The following MYO15B variants were observed in gnomAD, a reference collection of about 807,000 sequenced individuals.
The protein encoded by MYO15B is myosin XVB, also known as myosin XVB pseudogene.
MYO15B carries 207 observed loss-of-function variants against 119.3 expected under a neutral mutation model. That is an observed-to-expected ratio of 1.73 (90% CI 1.55 to 1.95). The LOEUF (loss-of-function observed/expected upper bound fraction) is 1.95, where lower values mean the gene tolerates loss of function less well. Ranked by LOEUF, MYO15B falls within the 30% of genes most tolerant of loss-of-function variation. MYO15B has a pLI of 0.00. For synonymous variants in MYO15B, 966 were observed against 498.9 expected (o/e 1.94, Z -12.48); for missense variants, 2,264 against 1,203.1 (o/e 1.88, Z -13.04).
rs1019029663 is a variant in MYO15B at position 75,603,093 on chromosome 17, A to G, written c.3891+16A>G. On this transcript the variant is annotated intron_variant, in intron 18 of 63. Coordinates refer to ENST00000645453, the Ensembl canonical transcript of MYO15B. The stretch of plus-strand genomic sequence containing the variant: ...CCCTGGAAAGGTGAGCTCCCCAGCA[A>G]CTGGCCTCAGGGCCCTCCCCCTCCC... 2 of 703,024 alleles carry G rather than the reference A, an allele frequency of 2.8e-6. No homozygotes were observed. Among genetic ancestry groups the G allele is most frequent in the African/African-American group, 3.5e-5 (2 of 57,216 alleles). The allele number at this position is 703,024 out of a possible 1,614,324, so 43.5% of individuals were successfully genotyped here.
chr17:75,592,774 G>C (rs1479976474), exon 9 of MYO15B: 2 of 702,800 alleles, frequency 2.8e-6, no homozygotes, highest in Non-Finnish European at 5.2e-6. Flanking sequence ...CAGAGGAGTT[G>C]AATGCCGTCT....
At chr17:75,618,097 G>T (rs1167240465) in intron 42 of MYO15B, 29 bp from the exon 43 acceptor site, 3 of 702,826 alleles carry the variant, frequency 4.3e-6, no homozygotes, top group African/African-American at 1.7e-5. Context: ...CAGACCCACC[G>T]ATCTTTGCCC....
At chr17:75,615,007 G>A (rs1320682794) in exon 33 of MYO15B, 3 of 703,038 alleles carry the variant, frequency 4.3e-6, no homozygotes, top group East Asian at 2.7e-5. Context: ...AAGGGAGGGG[G>A]CGCCATTGGG....
At chr17:75,601,924 G>A (rs1026750389) in intron 15 of MYO15B, among the ~76,000 whole-genome samples, 1 of 152,192 alleles carries the variant, frequency 6.6e-6, no homozygotes, top group Non-Finnish European at 1.5e-5. Flanking sequence ...ATGTAGTAAC[G>A]TGGAGATGGC....
chr17:75,606,700 C>T (rs1409328338), intron 21 of MYO15B, among the ~76,000 whole-genome samples: 5 of 150,644 alleles, frequency 3.3e-5, no homozygotes, highest in East Asian at 2.0e-4. Context: ...CTCGAACTCC[C>T]GACCTCAGGT....
At chr17:75,626,844 A>C in exon 64 of MYO15B, 1 of 414,200 alleles carries the variant, frequency 2.4e-6, no homozygotes, top group Non-Finnish European at 4.5e-6. Flanking sequence ...AACTCCCTGG[A>C]GAAAAGGGCT....
At position 75,589,628 on chromosome 17, in the gene MYO15B, C is replaced by T. The variant is rs181767924; in HGVS notation, c.1571C>T (p.Thr524Ile). 2.3e-3 allele frequency: 928 copies of T among 399,022 alleles called. 8 individuals carry two copies. Among genetic ancestry groups the T allele is most frequent in the African/African-American group, 0.016 (798 of 48,758 alleles). 24.7% of individuals were successfully genotyped at this position (399,022 alleles called of 1,614,324 possible). ...GGTGGCCGCTCCCCGCAGGTCCCGACAAGCCCAGTCCCCGGCGACCCTTTT... is the reference window on the plus strand; with the variant it reads ...GGTGGCCGCTCCCCGCAGGTCCCGATAAGCCCAGTCCCCGGCGACCCTTTT... Residue 524 changes from threonine to isoleucine, a missense_variant, in exon 1 of 64, where the codon ACA becomes ATA. Physicochemically the swap from Thr to Ile is moderately conservative, Grantham distance 89. Transcript: ENST00000645453. This position sits in a 1 kb window ranked among gnomAD's most constrained non-coding sequence, Gnocchi z 4.2.
In MYO15B at chr17:75,615,900, T is replaced by C; in HGVS notation, c.6030+16T>C. 1.5e-6 allele frequency: 1 copy of C among 654,608 alleles called. No individual in the cohort carries two copies. The highest frequency in any genetic ancestry group is 2.8e-6 in the Non-Finnish European group (1 of 360,254). The allele number at this position is 654,608 out of a possible 1,614,324, so 40.5% of individuals were successfully genotyped here. On this transcript the variant is annotated intron_variant, in intron 36 of 63. Coordinates refer to ENST00000645453, the Ensembl canonical transcript of MYO15B. Reference sequence around the variant, plus strand: ...CTGCCTGAGGGTGAGGAGGTGACCATATTCTCAGGAAGGGATGTGAGGGTG... The same window carrying C: ...CTGCCTGAGGGTGAGGAGGTGACCACATTCTCAGGAAGGGATGTGAGGGTG...
At chr17:75,592,297 T>C (rs1202508101) in exon 7 of MYO15B, 1 of 702,690 alleles carries the variant, frequency 1.4e-6, no homozygotes, top group Non-Finnish European at 2.6e-6. Context: ...AGGGTGGTGT[T>C]TCAGGTAAAG....
At chr17:75,608,949 G>A (rs562534153) in intron 21 of MYO15B, among the ~76,000 whole-genome samples, 1 of 152,284 alleles carries the variant, frequency 6.6e-6, no homozygotes, top group Non-Finnish European at 1.5e-5. Flanking sequence ...GGCCAGGCTG[G>A]TCTTGAACTC....
chr17:75,622,085 G>A lies in MYO15B; in HGVS notation c.8082+5G>A, dbSNP rs1262647972. 2 of 702,992 alleles carry A rather than the reference G, an allele frequency of 2.8e-6. No homozygotes were observed. Among genetic ancestry groups the A allele is most frequent in the South Asian group, 3.0e-5 (2 of 67,602 alleles). 43.5% of individuals were successfully genotyped at this position (702,992 alleles called of 1,614,324 possible). A position where few individuals can be genotyped will look rare whatever the true frequency, so the allele number is the denominator to read the frequency against. ...CTGCTCTATGAACTGCTGAAGGTAA[G>A]CCTGGGCTGTGCGACCCCCAGCGCC... On this transcript the variant is annotated splice_donor_5th_base_variant and intron_variant, in intron 53 of 63. Coordinates refer to ENST00000645453, the Ensembl canonical transcript of MYO15B.
At chr17:75,588,952 G>T in exon 1 of MYO15B, 1 of 398,220 alleles carries the variant, frequency 2.5e-6, no homozygotes, top group African/African-American at 2.1e-5. Flanking sequence ...GACGGCCCGG[G>T]CTCCGCGCCA....
exon 59 of MYO15B, chr17:75,624,892 C>T: frequency 1.4e-6 from 1 of 702,334 alleles, no homozygotes; most frequent in Non-Finnish European, 2.6e-6. Flanking sequence ...ATAACTCCAC[C>T]TACATCAGCA....
chr17:75,619,580 G>A (rs1432249888), intron 45 of MYO15B, 101 bp from the exon 46 acceptor site: 4 of 685,130 alleles, frequency 5.8e-6, no homozygotes, highest in Non-Finnish European at 1.1e-5. Context: ...GCAGACGCCA[G>A]GGGAAGGACA....
rs753121987 is a variant in MYO15B, at chr17:75,613,156, T to G, written c.4914T>G (p.Ala1638=). Residue 1638 remains alanine (A), a synonymous_variant, in exon 27 of 64, where the codon GCT becomes GCG. Transcript: ENST00000645453. ...GCCAGCGTGGCTGGGCCCTCATGGC[T>G]GTTTTGCTCAGCGCCTTTCCCCCAC... is the stretch of plus-strand genomic sequence containing the variant. The G allele has an allele frequency of 1.0e-5, 7 of 702,212 alleles. No homozygotes were observed. The South Asian group carries it at 1.0e-4, about 10-fold the overall frequency. The allele number at this position is 702,212 out of a possible 1,614,324, so 43.5% of individuals were successfully genotyped here.
exon 55 of MYO15B, chr17:75,623,949 G>A: frequency 2.8e-6 from 2 of 702,996 alleles, no homozygotes; most frequent in Non-Finnish European, 5.2e-6. Flanking sequence ...TGCCCTGCAG[G>A]GAACACTGCA....
chr17:75,612,347 C>A (rs570767769), intron 25 of MYO15B, among the ~76,000 whole-genome samples: 1 of 152,268 alleles, frequency 6.6e-6, no homozygotes, highest in East Asian at 1.9e-4. Flanking sequence ...ATTGTCCAGA[C>A]TTCAGCAGTA....
At chr17:75,615,955 G>C (rs990674252) in intron 36 of MYO15B, 71 bp downstream of exon 36, 5 of 606,414 alleles carry the variant, frequency 8.2e-6, no homozygotes, top group Non-Finnish European at 1.5e-5. Flanking sequence ...ACATGGGCAG[G>C]GTGAGTAGGC....
intron 22 of MYO15B, 139 bp downstream of exon 22, chr17:75,610,398 T>C: frequency 1.8e-6 from 1 of 541,344 alleles, no homozygotes; most frequent in Non-Finnish European, 3.3e-6. Flanking sequence ...CTCCTTGAAC[T>C]CATCCCTTTT....
Sources: allele counts gnomAD v4.1 joint callset (sites outside exome capture counted in the v4.1 genomes callset), GRCh38; gene constraint gnomAD v4.1.1; non-coding constraint Gnocchi (gnomAD v3.1); transcripts MANE v1.5; gene names NCBI Gene and HGNC (gene_info 2026-07-23, HGNC 2026-07-21).